Variants in PTPN13 observed in about 807,000 individuals in gnomAD.
PTPN13 encodes tyrosine-protein phosphatase non-receptor type 13.
PTPN13 carries 191 observed loss-of-function variants against 284.0 expected under a neutral mutation model. The observed-to-expected ratio is 0.67, with a 90% CI of 0.60 to 0.76. The LOEUF (loss-of-function observed/expected upper bound fraction) is 0.76, where lower values mean the gene tolerates loss of function less well. Among genes scored for constraint, PTPN13 ranks in the 30% least tolerant of loss-of-function variants. PTPN13 has a pLI of 0.00. For synonymous variants in PTPN13, 986 were observed against 1,022.3 expected, an observed-to-expected ratio of 0.96 and a Z score of 0.68; for missense variants, 2,797 against 2,939.9, an observed-to-expected ratio of 0.95 and a Z score of 1.12.
intron 32 of PTPN13, 33 bp from the exon 33 acceptor site, chr4:86,774,340 C>G: frequency 6.4e-7 from 1 of 1,571,868 alleles, no homozygotes; most frequent in Non-Finnish European, 8.7e-7. Flanking sequence ...GCAGAATAGA[C>G]AACCTAAAAG....
chr4:86,753,134 C>A, intron 20 of PTPN13, 69 bp downstream of exon 20: 1 of 1,242,060 alleles, frequency 8.1e-7, no homozygotes, highest in South Asian at 1.4e-5. Flanking sequence ...AGTCTTGGAC[C>A]TAACAATGAA....
At chr4:86,613,204 C>CT (rs1720122140) in intron 1 of PTPN13, among the ~76,000 whole-genome samples, 1 of 152,146 alleles carries the variant, frequency 6.6e-6, no homozygotes, top group Non-Finnish European at 1.5e-5. Flanking sequence ...GGAATATTAC[C>CT]TTCAGGGCTG....
At chr4:86,616,131 T>A (rs1185327662) in intron 1 of PTPN13, among the ~76,000 whole-genome samples, 2 of 152,228 alleles carry the variant, frequency 1.3e-5, no homozygotes, top group African/African-American at 4.8e-5. Context: ...GTACTAGCAG[T>A]TGTCCTAGAC....
intron 7 of PTPN13, among the ~76,000 whole-genome samples, chr4:86,711,710 C>G (rs922037360): frequency 6.6e-6 from 1 of 152,142 alleles, no homozygotes; most frequent in African/African-American, 2.4e-5. Flanking sequence ...TAGATATTTA[C>G]TAGCTGAGAA....
chr4:86,740,528 C>A (rs1206713847), intron 15 of PTPN13, among the ~76,000 whole-genome samples: 1 of 152,154 alleles, frequency 6.6e-6, no homozygotes, highest in Non-Finnish European at 1.5e-5. Flanking sequence ...GCCCGGCCCA[C>A]AAAACCATTT....
In PTPN13 at chr4:86,758,972, G is replaced by C. The variant is rs748260761; in HGVS notation, c.3452G>C (p.Ser1151Thr). ...CGTTTGATATCTGTGAATAGTGTGA[G>C]TCTGGAGGGAGTCAGCCACCATGCT... is the stretch of plus-strand genomic sequence containing the variant. ...GDRLISVNSVSLEGVSHHAAI... is the reference protein window; with the variant it reads ...GDRLISVNSVTLEGVSHHAAI... Residue 1151 changes from serine to threonine, a missense_variant, in exon 23 of 48, where the codon AGT becomes ACT. Transcript: ENST00000411767. 6.2e-7 allele frequency: 1 copy of C among 1,613,762 alleles called. No individual in the cohort carries two copies. Among genetic ancestry groups the C allele is most frequent in the Non-Finnish European group, 8.5e-7 (1 of 1,179,728 alleles).
intron 16 of PTPN13, among the ~76,000 whole-genome samples, chr4:86,743,355 G>T (rs1285980736): frequency 1.3e-5 from 2 of 152,072 alleles, no homozygotes; most frequent in Non-Finnish European, 2.9e-5. Context: ...TCTTTTGACT[G>T]ATCAACTAAG....
intron 46 of PTPN13, among the ~76,000 whole-genome samples, chr4:86,810,800 C>A (rs1455840108): frequency 2.0e-5 from 3 of 152,128 alleles, no homozygotes; most frequent in Non-Finnish European, 4.4e-5. Context: ...AAGATGATTT[C>A]TTTTCTTTGG....
chr4:86,723,220 T>C (rs1733869622), intron 10 of PTPN13, among the ~76,000 whole-genome samples: 1 of 152,220 alleles, frequency 6.6e-6, no homozygotes, highest in South Asian at 2.1e-4. Flanking sequence ...TAAATGTTTC[T>C]AATTAGCTGT....
chr4:86,691,997 C>T (rs1380072568), intron 5 of PTPN13, among the ~76,000 whole-genome samples: 2 of 152,148 alleles, frequency 1.3e-5, no homozygotes, highest in Non-Finnish European at 2.9e-5. Context: ...TAATATGTGT[C>T]AATCATCCAT....
At chr4:86,670,790 G>T (rs1449064803) in intron 2 of PTPN13, among the ~76,000 whole-genome samples, 1 of 152,152 alleles carries the variant, frequency 6.6e-6, no homozygotes, top group African/African-American at 2.4e-5. Flanking sequence ...TTCTTTTCCA[G>T]CTAGATTGTG....
chr4:86,800,221 C>G (rs966699027), intron 42 of PTPN13, among the ~76,000 whole-genome samples: 3 of 152,056 alleles, frequency 2.0e-5, no homozygotes, highest in Non-Finnish European at 2.9e-5. Flanking sequence ...ACTGCCTTTT[C>G]ATTTTATTAC....
chr4:86,596,080 A>G (rs1039059505), intron 1 of PTPN13, among the ~76,000 whole-genome samples: 6 of 152,208 alleles, frequency 3.9e-5, no homozygotes, highest in African/African-American at 1.4e-4. Flanking sequence ...CTGACGTCCA[A>G]TCTTGTTTAT....
At chr4:86,775,794 C>A in intron 35 of PTPN13, 142 bp downstream of exon 35, 2 of 688,514 alleles carry the variant, frequency 2.9e-6, no homozygotes, top group Non-Finnish European at 4.8e-6. Context: ...TTAAAACAGA[C>A]TTCTTGATAG....
In PTPN13 at chr4:86,729,201, G is replaced by A. The variant is rs988791899; in HGVS notation, c.1609-3199G>A. 3.0e-4 allele frequency among the ~76,000 whole-genome samples: 45 copies of A among 149,488 alleles called. 2 individuals are homozygous for A. The highest frequency in any genetic ancestry group is 1.0e-3 in the African/African-American group (41 of 41,018). On this transcript the variant is annotated intron_variant, in intron 10 of 47. Transcript: ENST00000411767. ...TCTTCTGGCTTGTAGGGTTTCTGCC[G>A]AGAGATCGCTGTTAGTCTGATGGGC...
intron 31 of PTPN13, 63 bp from the exon 32 acceptor site, chr4:86,772,715 A>G: frequency 7.4e-7 from 1 of 1,348,226 alleles, no homozygotes; most frequent in Non-Finnish European, 1.0e-6. Context: ...TGTTTCTGGC[A>G]CAAACTAACC....
intron 2 of PTPN13, among the ~76,000 whole-genome samples, chr4:86,648,664 A>G (rs768999177): frequency 6.6e-6 from 1 of 152,190 alleles, no homozygotes; most frequent in Non-Finnish European, 1.5e-5. Context: ...TAACTTGGCT[A>G]TGGTGAATAG....
chr4:86,734,701 A>G (rs1348906480), intron 13 of PTPN13, 36 bp from the exon 14 acceptor site: 1 of 1,578,786 alleles, frequency 6.3e-7, no homozygotes, highest in Non-Finnish European at 8.6e-7. Context: ...ATTCAAAATC[A>G]AAGGCCAAGA....
At chr4:86,766,563 A>G in intron 27 of PTPN13, 46 bp downstream of exon 27, 1 of 1,358,534 alleles carries the variant, frequency 7.4e-7, no homozygotes, top group Non-Finnish European at 1.0e-6. Context: ...TAGAAGAGCA[A>G]AACAATGTGT....
Sources: allele counts gnomAD v4.1 joint callset (sites outside exome capture counted in the v4.1 genomes callset), GRCh38; gene constraint gnomAD v4.1.1; transcripts MANE v1.5; gene names NCBI Gene and HGNC (gene_info 2026-07-23, HGNC 2026-07-21).